ESR2: variants seen among roughly 807,000 people sequenced by gnomAD.
The protein encoded by ESR2 is estrogen receptor beta.
In ESR2, 36 loss-of-function variants were observed where a neutral mutation model predicts 49.6. The observed-to-expected ratio is 0.73, with a 90% confidence interval of 0.56 to 0.96. ESR2 has a LOEUF of 0.96. Ranked by LOEUF, ESR2 falls within the 40% of genes least tolerant of loss-of-function variation. The pLI, the probability that ESR2 is intolerant of heterozygous loss-of-function variation, is 0.00. For missense variants in ESR2, 714 were observed against 693.0 expected (o/e 1.03, Z -0.34); for synonymous variants, 320 against 266.1 (o/e 1.20, Z -1.97).
In ESR2 at chr14:64,230,117, A is replaced by C. The variant is rs954750209; in HGVS notation, c.*3020T>G. ...GGCACTGTGGTGGGAGGATCGCTTG[A>C]GCCCAGGAGGTCGAGGCTGCAGTGA... On this transcript the variant is annotated 3_prime_UTR_variant, in exon 9 of 9. Coordinates refer to ENST00000341099, the MANE Select transcript of ESR2 (RefSeq NM_001437.3). 2.0e-5 allele frequency among the ~76,000 whole-genome samples: 3 copies of C among 151,118 alleles called. No individual in the cohort carries two copies. The highest frequency in any genetic ancestry group is 7.3e-5 in the African/African-American group (3 of 40,944).
At chr14:64,333,325 T>C (rs911077262) in intron 1 of ESR2, among the ~76,000 whole-genome samples, 3 of 152,184 alleles carry the variant, frequency 2.0e-5, no homozygotes, top group African/African-American at 7.2e-5. Context: ...TTTAAGACTC[T>C]GAATACTTGT....
At chr14:64,328,861 C>T (rs1567806249) in intron 1 of ESR2, among the ~76,000 whole-genome samples, 3 of 152,274 alleles carry the variant, frequency 2.0e-5, no homozygotes. Context: ...CACAGTCTGA[C>T]TCTAAAGACT....
At chr14:64,337,777 A>T (rs1206841848) in intron 1 of ESR2, 1 of 152,188 alleles carries the variant, frequency 6.6e-6, no homozygotes, top group Non-Finnish European at 1.5e-5. Flanking sequence ...AAGCCCCCCA[A>T]ATTTTTTTAA....
Position 64,260,646 on chromosome 14 carries a change from G to T in ESR2, c.755C>A (p.Ala252Glu), listed in dbSNP as rs370979619. The change falls in exon 5 of 9, where the codon GCG becomes GAG. Residue 252 changes from alanine to glutamate, a missense_variant. Ala to Glu is a moderately radical substitution (Grantham distance 107). Transcript: ENST00000341099. ...CAGCAGCAGCTCCCGCACTCGGGGC[G>T]CGTGGCCGCCACTTCTCTTGGCCTT... is the stretch of plus-strand genomic sequence containing the variant. ...AGKAKRSGGH[A>E]PRVRELLLDA... The T allele has an allele frequency of 6.2e-7, 1 of 1,607,920 alleles. No homozygotes were observed. The highest frequency in any genetic ancestry group is 8.5e-7 in the Non-Finnish European group (1 of 1,176,998).
intron 7 of ESR2, among the ~76,000 whole-genome samples, chr14:64,247,135 T>C (rs767806575): frequency 3.9e-5 from 6 of 152,196 alleles, no homozygotes; most frequent in Non-Finnish European, 5.9e-5. Context: ...TGGGTAGAAA[T>C]TGAGTGTAAG....
intron 3 of ESR2, among the ~76,000 whole-genome samples, chr14:64,275,939 G>A (rs933301355): frequency 2.0e-5 from 3 of 152,054 alleles, no homozygotes; most frequent in Non-Finnish European, 4.4e-5. Context: ...AAAATGAATG[G>A]ATTTATTAAG....
chr14:64,299,536 A>AT (rs1269114372), intron 1 of ESR2, among the ~76,000 whole-genome samples: 1 of 149,370 alleles, frequency 6.7e-6, no homozygotes, highest in Non-Finnish European at 1.5e-5. Context: ...ATTTTTTTGT[A>AT]TTTTTTTAGT....
chr14:64,312,682 G>A (rs1363864111), intron 1 of ESR2, among the ~76,000 whole-genome samples: 1 of 152,118 alleles, frequency 6.6e-6, no homozygotes, highest in Non-Finnish European at 1.5e-5. Context: ...TGCTTATTTG[G>A]GAGAGTTGTG....
chr14:64,244,073 G>A (rs557731270), intron 7 of ESR2, among the ~76,000 whole-genome samples: 25 of 151,884 alleles, frequency 1.6e-4, no homozygotes, highest in Non-Finnish European at 2.4e-4. Flanking sequence ...GTATGTCTGT[G>A]AGAGTGTTCC....
chr14:64,271,483 AC>A lies in ESR2; in HGVS notation c.536-2573del, dbSNP rs2076445837. 2.0e-5 allele frequency among the ~76,000 whole-genome samples: 3 copies of A among 152,020 alleles called. No homozygotes were observed. The South Asian group carries it at 6.2e-4, about 32-fold the overall frequency. On this transcript the variant is annotated intron_variant, in intron 3 of 8. Transcript: ENST00000341099. ...TGGGACTACAGGCGCATGCCGCCAC[AC>A]CCAGCTAATTTTTTGTATTTTAGTA...
At position 64,263,462 on chromosome 14, in the gene ESR2, G is replaced by T. The variant is rs182392885; in HGVS notation, c.653-2714C>A. ...ACCTGAGGTCAGGAGTTTGAGACCA[G>T]CCTGGCCAAAATGGAAAAACCCCAT... On this transcript the variant is annotated intron_variant, in intron 4 of 8. Transcript: ENST00000341099. Among the ~76,000 whole-genome samples, 531 of 152,182 alleles carry T rather than the reference G, an allele frequency of 3.5e-3. 1 individual carries two copies. The highest frequency in any genetic ancestry group is 0.012 in the African/African-American group (501 of 41,522).
At chr14:64,301,085 T>G (rs1197789820) in intron 1 of ESR2, among the ~76,000 whole-genome samples, 2 of 152,204 alleles carry the variant, frequency 1.3e-5, no homozygotes, top group Admixed American at 6.5e-5. Flanking sequence ...TCAGAGAATT[T>G]AAGGAACTTG....
Position 64,280,017 on chromosome 14 carries a change from C to T in ESR2, c.499G>A (p.Glu167Lys). 3 of 1,614,210 alleles carry T rather than the reference C, an allele frequency of 1.9e-6. No individual in the cohort carries two copies. Among genetic ancestry groups the T allele is most frequent in the Non-Finnish European group, 2.5e-6 (3 of 1,180,020 alleles). Residue 167 changes from glutamate to lysine, a missense_variant, in exon 3 of 9, where the codon GAA becomes AAA. By Grantham distance (56) the Glu-to-Lys change is moderately conservative. Transcript: ENST00000341099. ...CTTTTAAAAAAGGCCTTACATCCTT[C>T]ACACGACCAGACTCCATAGTGATAT... The part of the protein sequence containing the change: ...SGYHYGVWSC[E>K]GCKAFFKRSI...
chr14:64,322,000 A>G (rs911966488), intron 1 of ESR2, among the ~76,000 whole-genome samples: 5 of 152,164 alleles, frequency 3.3e-5, no homozygotes, highest in Admixed American at 3.3e-4. Flanking sequence ...AGCATCACGC[A>G]TTATGCCCAT....
chr14:64,267,994 T>C (rs900845618), intron 4 of ESR2, among the ~76,000 whole-genome samples: 1 of 152,092 alleles, frequency 6.6e-6, no homozygotes, highest in Non-Finnish European at 1.5e-5. Context: ...AAATACTGGC[T>C]AGCAGAAGAA....
rs181215736 is a variant in ESR2, at chr14:64,243,269, G to T, written c.1225+6277C>A. ...AGGTTAAGTTTGCCAGCTTATATGGGCATAGTTTGTGGCACCCCAAAACAA... is the reference window on the plus strand; with the variant it reads ...AGGTTAAGTTTGCCAGCTTATATGGTCATAGTTTGTGGCACCCCAAAACAA... On this transcript the variant is annotated intron_variant, in intron 7 of 8. Coordinates refer to ENST00000341099, the MANE Select transcript of ESR2 (RefSeq NM_001437.3). Among the ~76,000 whole-genome samples the T allele has an allele frequency of 1.2e-4, 19 of 152,298 alleles. No individual in the cohort carries two copies. In the East Asian group the frequency reaches 3.3e-3, roughly 26 times the overall value.
intron 7 of ESR2, among the ~76,000 whole-genome samples, chr14:64,245,509 CAAAAAAAAAAAAAAAA>C (rs56160081): frequency 1.5e-5 from 1 of 65,460 alleles, no homozygotes; most frequent in Non-Finnish European, 2.6e-5. Context: ...AAGACTCTGT[CAAAAAAAAAAAAAAAA>C]AAAAAAAAAA....
chr14:64,286,786 G>T (rs763441474), intron 1 of ESR2, among the ~76,000 whole-genome samples: 5 of 151,992 alleles, frequency 3.3e-5, no homozygotes, highest in African/African-American at 4.8e-5. Context: ...TGTGATCTCG[G>T]CTCATTGCAA....
At position 64,258,165 on chromosome 14, in the gene ESR2, C is replaced by T. The variant is rs142162081; in HGVS notation, c.953-801G>A. ...TCGAGGCTGTAGTGAGCTGAGATCACGCCACTGCACTCCAGCCTGGGCAAC... is the reference window on the plus strand; with the variant it reads ...TCGAGGCTGTAGTGAGCTGAGATCATGCCACTGCACTCCAGCCTGGGCAAC... On this transcript the variant is annotated intron_variant, in intron 5 of 8. Transcript: ENST00000341099. 1.8e-4 allele frequency among the ~76,000 whole-genome samples: 27 copies of T among 152,082 alleles called. No individual in the cohort carries two copies. In the East Asian group the frequency reaches 5.2e-3, roughly 29 times the overall value.
Sources: gnomAD v4.1 joint callset for allele counts (sites outside exome capture counted in the v4.1 genomes callset) on GRCh38, gnomAD v4.1.1 for gene constraint, MANE v1.5 for transcripts, NCBI Gene and HGNC (gene_info 2026-07-23, HGNC 2026-07-21) for gene names.